The following CCDC9 variants were observed in gnomAD, a reference collection of about 807,000 sequenced individuals.
The protein encoded by CCDC9 is coiled-coil domain-containing protein 9.
CCDC9 carries 52 observed loss-of-function variants against 65.6 expected under a neutral mutation model. That is an observed-to-expected ratio of 0.79 (90% confidence interval 0.63 to 1.00). The LOEUF is 1.00. CCDC9 is among the 50% of genes least tolerant of loss of function. The probability of loss-of-function intolerance (pLI) is 0.00; values close to 1 mark genes in which losing one functional copy is unlikely to be tolerated. For synonymous variants in CCDC9, 332 were observed against 280.3 expected (o/e 1.18, Z -1.84); for missense variants, 834 against 757.2 (o/e 1.10, Z -1.19).
Position 47,271,724 on chromosome 19 carries a change from TGTGTGTGTGCGCGCGC to T in CCDC9, c.*48_*63del, listed in dbSNP as rs58160287. On this transcript the variant is annotated 3_prime_UTR_variant, in exon 12 of 12. Coordinates refer to ENST00000221922, the MANE Select transcript of CCDC9 (RefSeq NM_015603.3). The stretch of plus-strand genomic sequence containing the variant: ...GTGTGTGTGTGTGTGTGTGTGTGTG[TGTGTGTGTGCGCGCGC>T]GCGCGCGCGCGCGCGCGCGCTAGAG... 3,382 of 1,264,830 alleles carry T rather than the reference TGTGTGTGTGCGCGCGC, an allele frequency of 2.7e-3. 29 individuals carry two copies. The African/African-American group carries it at 0.033, about 12-fold the overall frequency. 78.4% of individuals were successfully genotyped at this position (1,264,830 alleles called of 1,614,324 possible). A position where few individuals can be genotyped will look rare whatever the true frequency, so the allele number is the denominator to read the frequency against.
downstream of CCDC9, chr19:47,275,527 C>CAGCT (rs1281698660): frequency 4.9e-5 from 41 of 840,046 alleles, no homozygotes; most frequent in Admixed American, 4.8e-4. Flanking sequence ...TTGCCTCTTG[C>CAGCT]AGCTACTCTG....
intron 5 of CCDC9, among the ~76,000 whole-genome samples, chr19:47,262,645 G>A (rs1475359081): frequency 6.6e-6 from 1 of 152,132 alleles, no homozygotes; most frequent in African/African-American, 2.4e-5. Flanking sequence ...ATCACTTTTG[G>A]TCATGTCCTG....
rs752834109 is a variant in CCDC9, at chr19:47,271,305, C to T, written c.1223C>T (p.Pro408Leu). Residue 408 changes from proline (P) to leucine (L), a missense_variant, in exon 12 of 12, where the codon CCT (proline) becomes CTT (leucine). By Grantham distance (98) the Pro-to-Leu change is moderately conservative. Coordinates refer to ENST00000221922, the MANE Select transcript of CCDC9 (RefSeq NM_015603.3). ...GAGATCCCAGCTCCTGCCCACCGGC[C>T]TCCTGAAGACGAGGGGGAAGAGAAT... ...PPEIPAPAHRPPEDEGEENEG... is the reference protein window; with the variant it reads ...PPEIPAPAHRLPEDEGEENEG... The T allele has an allele frequency of 1.9e-6, 3 of 1,612,628 alleles. No homozygotes were observed. The highest frequency in any genetic ancestry group is 3.3e-5 in the Admixed American group (2 of 59,782).
chr19:47,261,711 CA>C (rs758107358), intron 5 of CCDC9, among the ~76,000 whole-genome samples: 3,103 of 50,050 alleles, frequency 0.062, 30 homozygotes, highest in Non-Finnish European at 0.076. Flanking sequence ...GACTCTGTAT[CA>C]AAAAAAAAAA....
chr19:47,270,281 T>C, intron 8 of CCDC9, 126 bp from the exon 9 acceptor site: 1 of 884,916 alleles, frequency 1.1e-6, no homozygotes, highest in East Asian at 2.7e-5. Context: ...GTCCTACTTC[T>C]AGTGTCCCCT....
At chr19:47,274,964 A>C (rs10407367), downstream of CCDC9, 636,693 of 1,383,376 alleles carry the variant, frequency 0.46, 151,977 homozygotes, top group African/African-American at 0.76. Flanking sequence ...AGAGCCCCGG[A>C]GGCGCGGGGC....
intron 5 of CCDC9, among the ~76,000 whole-genome samples, chr19:47,263,910 A>G (rs551476644): frequency 1.6e-5 from 2 of 128,804 alleles, no homozygotes; most frequent in East Asian, 4.8e-4. Context: ...ACAGAGTCCT[A>G]CTCTGTTGCC....
At chr19:47,273,341 C>A, downstream of CCDC9, 2 of 1,230,104 alleles carry the variant, frequency 1.6e-6, no homozygotes, top group Non-Finnish European at 1.0e-6. Flanking sequence ...GCTGACTCAG[C>A]CCCTTCTCTC....
intron 5 of CCDC9, 32 bp downstream of exon 5, chr19:47,260,871 T>C: frequency 6.3e-7 from 1 of 1,590,174 alleles, no homozygotes; most frequent in South Asian, 1.1e-5. Flanking sequence ...GAGCCCTGGC[T>C]GAGGTTCTCT....
Position 47,271,724 on chromosome 19 carries a change from T to TGC in CCDC9, c.*47_*48insCG. 9 of 1,265,490 alleles carry TGC rather than the reference T, an allele frequency of 7.1e-6. No individual in the cohort carries two copies. The South Asian group carries it at 1.2e-4, about 17-fold the overall frequency. The allele number at this position is 1,265,490 out of a possible 1,614,324, so 78.4% of individuals were successfully genotyped here. On this transcript the variant is annotated 3_prime_UTR_variant, in exon 12 of 12. Transcript: ENST00000221922. ...GTGTGTGTGTGTGTGTGTGTGTGTG[T>TGC]GTGTGTGTGCGCGCGCGCGCGCGCG...
intron 7 of CCDC9, among the ~76,000 whole-genome samples, chr19:47,265,468 T>G (rs904232666): frequency 1.3e-5 from 2 of 152,098 alleles, no homozygotes; most frequent in Non-Finnish European, 2.9e-5. Context: ...GCAGGTGCTG[T>G]GTGAGGGGTG....
chr19:47,258,637 A>G lies in CCDC9; in HGVS notation c.82A>G (p.Asn28Asp), dbSNP rs2059026496. 1 of 1,613,938 alleles carries G rather than the reference A, an allele frequency of 6.2e-7. No individual in the cohort carries two copies. ...GAGGATCGAGGCTCTTCGGCGGAAGAATGAGGCCCTCATCCGGCGCTACCA... is the reference window on the plus strand; with the variant it reads ...GAGGATCGAGGCTCTTCGGCGGAAGGATGAGGCCCTCATCCGGCGCTACCA... ...DKRIEALRRK[N>D]EALIRRYQEI... The change falls in exon 3 of 12, where the codon AAT (asparagine) becomes GAT (aspartate). Residue 28 changes from asparagine (N) to aspartate (D), a missense_variant. Asn to Asp is a conservative substitution (Grantham distance 23). Transcript: ENST00000221922.
chr19:47,273,747 A>C (rs930147677), downstream of CCDC9: 3 of 342,848 alleles, frequency 8.8e-6, no homozygotes, highest in Admixed American at 4.9e-5. Flanking sequence ...CCAGGATTGC[A>C]TCCGAGGCCT....
chr19:47,260,709 G>A lies in CCDC9; in HGVS notation c.332G>A (p.Ser111Asn), dbSNP rs775539337. Reference sequence around the variant, plus strand: ...GCCGGCATGGGCCGAGCATCGCGCAGCTGGGAGGGCAGCCCCGGGGAGCAG... The same window carrying A: ...GCCGGCATGGGCCGAGCATCGCGCAACTGGGAGGGCAGCCCCGGGGAGCAG... ...GRAGMGRASRSWEGSPGEQPR... is the reference protein window; with the variant it reads ...GRAGMGRASRNWEGSPGEQPR... The change falls in exon 5 of 12, where the codon AGC becomes AAC. Residue 111 changes from serine (S) to asparagine (N), a missense_variant. Coordinates refer to ENST00000221922, the MANE Select transcript of CCDC9 (RefSeq NM_015603.3). The A allele has an allele frequency of 1.8e-5, 28 of 1,580,608 alleles. No homozygotes were observed. The highest frequency in any genetic ancestry group is 2.4e-5 in the Non-Finnish European group (28 of 1,167,128).
chr19:47,262,124 C>T (rs572747161), intron 5 of CCDC9, among the ~76,000 whole-genome samples: 43 of 151,966 alleles, frequency 2.8e-4, no homozygotes, highest in African/African-American at 9.7e-4. Context: ...TTTATTTCTC[C>T]CTTGTATGCT....
At chr19:47,258,478 C>G in intron 2 of CCDC9, 75 bp downstream of exon 2, 1 of 1,603,298 alleles carries the variant, frequency 6.2e-7, no homozygotes, top group Non-Finnish European at 8.5e-7. Context: ...TCCATAGGGG[C>G]AGACTCTCAG....
downstream of CCDC9, chr19:47,275,318 A>G (rs1568645789): frequency 1.3e-6 from 2 of 1,546,186 alleles, no homozygotes; most frequent in East Asian, 2.5e-5. Flanking sequence ...GAGAGACGCC[A>G]GAGGCCGCGG....
At chr19:47,267,454 G>A (rs2059089644) in intron 8 of CCDC9, among the ~76,000 whole-genome samples, 1 of 152,136 alleles carries the variant, frequency 6.6e-6, no homozygotes, top group South Asian at 2.1e-4. Context: ...ATGCTGGGCT[G>A]AGCTGATCCA....
intron 5 of CCDC9, among the ~76,000 whole-genome samples, chr19:47,261,226 C>T (rs1342417728): frequency 5.3e-5 from 8 of 152,050 alleles, no homozygotes; most frequent in Admixed American, 2.6e-4. Flanking sequence ...ACTCATCCTC[C>T]GTCCCCATCT....
Sources: gnomAD v4.1 joint callset for allele counts (sites outside exome capture counted in the v4.1 genomes callset) on GRCh38, gnomAD v4.1.1 for gene constraint, MANE v1.5 for transcripts, NCBI Gene and HGNC (gene_info 2026-07-23, HGNC 2026-07-21) for gene names.